Variants in ZBTB20 observed in about 807,000 individuals in gnomAD.
ZBTB20 encodes the protein zinc finger and BTB domain containing 20, also known as zinc finger and BTB domain-containing protein 20.
ZBTB20 carries 9 observed loss-of-function variants against 56.9 expected under a neutral mutation model. That is an observed-to-expected ratio of 0.16 (90% CI 0.10 to 0.28). The LOEUF is 0.28. ZBTB20 is among the 10% of genes least tolerant of loss of function. ZBTB20 has a pLI of 1.00. For synonymous variants in ZBTB20, 417 were observed against 420.7 expected, an observed-to-expected ratio of 0.99 and a Z score of 0.11; for missense variants, 655 against 1,003.0, an observed-to-expected ratio of 0.65 and a Z score of 4.69.
intron 1 of ZBTB20, among the ~76,000 whole-genome samples, chr3:115,093,546 T>C (rs956525532): frequency 3.9e-5 from 6 of 152,186 alleles, no homozygotes; most frequent in African/African-American, 1.2e-4. Context: ...TTTTGTTTCA[T>C]ACAAATTATT....
At chr3:114,808,625 C>T (rs1335754813) in intron 4 of ZBTB20, among the ~76,000 whole-genome samples, 2 of 151,876 alleles carry the variant, frequency 1.3e-5, no homozygotes, top group African/African-American at 4.8e-5. Context: ...TTTCAAAAAA[C>T]TAAGTTTTGG....
In ZBTB20 at chr3:115,092,079, T is replaced by A. The variant is rs2083217610; in HGVS notation, c.-702-20665A>T. 4.6e-5 allele frequency among the ~76,000 whole-genome samples: 7 copies of A among 152,138 alleles called. No individual in the cohort carries two copies. The South Asian group carries it at 1.4e-3, about 31-fold the overall frequency. On this transcript the variant is annotated intron_variant, in intron 1 of 11. Transcript: ENST00000675478. ...CTTCCCTGTTTATGCCTAGAATTGTTAAAGAATTTTTTATATACCCTGATA... is the reference window on the plus strand; with the variant it reads ...CTTCCCTGTTTATGCCTAGAATTGTAAAAGAATTTTTTATATACCCTGATA...
intron 4 of ZBTB20, among the ~76,000 whole-genome samples, chr3:114,842,685 G>T (rs1338248037): frequency 6.6e-6 from 1 of 152,204 alleles, no homozygotes; most frequent in Non-Finnish European, 1.5e-5. Flanking sequence ...GGTTGAAGTT[G>T]ACTGTCTTGG....
chr3:114,601,397 G>A (rs2107630052), intron 6 of ZBTB20, among the ~76,000 whole-genome samples: 1 of 152,170 alleles, frequency 6.6e-6, no homozygotes, highest in East Asian at 1.9e-4. Flanking sequence ...TTTGCTGTAA[G>A]CAGACGATAG....
intron 3 of ZBTB20, among the ~76,000 whole-genome samples, chr3:114,917,394 T>A (rs1188529877): frequency 6.6e-6 from 1 of 152,200 alleles, no homozygotes; most frequent in East Asian, 1.9e-4. Flanking sequence ...TGAGGTCATG[T>A]CTTCCTGGAT....
At chr3:114,760,013 TA>T (rs1343529405) in intron 5 of ZBTB20, among the ~76,000 whole-genome samples, 3 of 152,126 alleles carry the variant, frequency 2.0e-5, no homozygotes, top group Non-Finnish European at 4.4e-5. Flanking sequence ...ATACAGAGAT[TA>T]AAAAATATGT....
rs184905263 is a variant in ZBTB20, at chr3:114,970,946, T to C, written c.-456+3420A>G. ...AGGAGAATAGCAAGAACCCGGGAGG[T>C]GGAGCTTGCAGTGAGCCCAGATCAT... is the stretch of plus-strand genomic sequence containing the variant. On this transcript the variant is annotated intron_variant, in intron 3 of 11. Coordinates refer to ENST00000675478, the MANE Select transcript of ZBTB20 (RefSeq NM_001348800.3). Among the ~76,000 whole-genome samples the C allele has an allele frequency of 4.4e-3, 659 of 150,314 alleles. 3 individuals carry two copies. The highest frequency in any genetic ancestry group is 0.02 in the East Asian group (102 of 5,082).
At chr3:115,007,645 A>G (rs899333077) in intron 2 of ZBTB20, among the ~76,000 whole-genome samples, 1 of 151,842 alleles carries the variant, frequency 6.6e-6, no homozygotes, top group Non-Finnish European at 1.5e-5. Flanking sequence ...CCTTTTTTGA[A>G]GATTTGCTCT....
intron 1 of ZBTB20, among the ~76,000 whole-genome samples, chr3:115,114,766 G>C (rs2083973284): frequency 6.6e-6 from 1 of 152,074 alleles, no homozygotes; most frequent in Non-Finnish European, 1.5e-5. Flanking sequence ...CCTTCAAAAA[G>C]CAGTTACCTT....
At chr3:115,028,889 T>A (rs532654181) in intron 2 of ZBTB20, among the ~76,000 whole-genome samples, 15 of 150,906 alleles carry the variant, frequency 9.9e-5, no homozygotes, top group Non-Finnish European at 1.8e-4. Flanking sequence ...AAAACATTAG[T>A]GGTATTCCCA....
chr3:114,947,784 A>G lies in ZBTB20; in HGVS notation c.-456+26582T>C, dbSNP rs547424164. Reference sequence around the variant, plus strand: ...ATCTATGTAACAAAATTACAATTGTACACCATAATTTTACACAAATAAAAG... The same window carrying G: ...ATCTATGTAACAAAATTACAATTGTGCACCATAATTTTACACAAATAAAAG... On this transcript the variant is annotated intron_variant, in intron 3 of 11. Transcript: ENST00000675478. 1.0e-4 allele frequency among the ~76,000 whole-genome samples: 15 copies of G among 146,218 alleles called. 1 individual carries two copies. In the South Asian group the frequency reaches 1.9e-3, roughly 19 times the overall value.
At chr3:114,755,593 A>T (rs1434981533) in intron 5 of ZBTB20, among the ~76,000 whole-genome samples, 2 of 151,764 alleles carry the variant, frequency 1.3e-5, no homozygotes, top group African/African-American at 2.4e-5. Context: ...TTTTTTTTTT[A>T]AATTCCCCCC....
chr3:114,920,995 T>C (rs1036242874), intron 3 of ZBTB20, among the ~76,000 whole-genome samples: 1 of 152,132 alleles, frequency 6.6e-6, no homozygotes, highest in Non-Finnish European at 1.5e-5. Flanking sequence ...TAGTAAAAAA[T>C]AAGTTCCTAG....
intron 3 of ZBTB20, among the ~76,000 whole-genome samples, chr3:114,962,333 C>T (rs887459365): frequency 1.5e-4 from 23 of 152,176 alleles, no homozygotes; most frequent in African/African-American, 4.8e-4. Flanking sequence ...ATTAGAACCC[C>T]ACCCTGGTGA....
intron 6 of ZBTB20, among the ~76,000 whole-genome samples, chr3:114,516,663 C>A (rs1038952969): frequency 1.3e-5 from 2 of 152,080 alleles, no homozygotes; most frequent in Non-Finnish European, 2.9e-5. Context: ...GTAGAGTGGG[C>A]CTGCAATCCA....
intron 10 of ZBTB20, among the ~76,000 whole-genome samples, chr3:114,356,839 T>C (rs546855284): frequency 6.6e-6 from 1 of 152,316 alleles, no homozygotes; most frequent in East Asian, 1.9e-4. Context: ...TAGTAGTTTC[T>C]TGCTAACAGG....
intron 5 of ZBTB20, among the ~76,000 whole-genome samples, chr3:114,707,717 C>T (rs2063800398): frequency 6.6e-6 from 1 of 152,108 alleles, no homozygotes; most frequent in Non-Finnish European, 1.5e-5. Context: ...TACAACTTAT[C>T]CCTATTTGCC....
chr3:115,122,400 C>T (rs781704533), intron 1 of ZBTB20, among the ~76,000 whole-genome samples: 3 of 152,040 alleles, frequency 2.0e-5, no homozygotes, highest in Non-Finnish European at 2.9e-5. Flanking sequence ...CTCTTATCTT[C>T]CTTAGCAAAA....
At chr3:114,933,844 T>C (rs528977247) in intron 3 of ZBTB20, among the ~76,000 whole-genome samples, 2 of 152,332 alleles carry the variant, frequency 1.3e-5, no homozygotes, top group East Asian at 1.9e-4. Context: ...CTTCCCACTT[T>C]TATTAAATCT....
Sources: gnomAD v4.1 joint callset for allele counts (sites outside exome capture counted in the v4.1 genomes callset) on GRCh38, gnomAD v4.1.1 for gene constraint, MANE v1.5 for transcripts, NCBI Gene and HGNC (gene_info 2026-07-23, HGNC 2026-07-21) for gene names.